The following NEDD4L variants were observed in gnomAD, a reference collection of about 807,000 sequenced individuals.
NEDD4L encodes E3 ubiquitin-protein ligase NEDD4-like.
Under a neutral mutation model 148.9 loss-of-function variants are expected in NEDD4L, and 54 were observed. That is an observed-to-expected ratio of 0.36 (90% CI 0.29 to 0.45). The LOEUF (loss-of-function observed/expected upper bound fraction) is 0.45, where lower values mean the gene tolerates loss of function less well. NEDD4L is among the 20% of genes least tolerant of loss of function. NEDD4L has a pLI of 1.00. For missense variants in NEDD4L, 856 were observed against 1,233.8 expected (o/e 0.69, Z 4.59); for synonymous variants, 433 against 440.7 (o/e 0.98, Z 0.22).
At chr18:58,151,627 G>A (rs78129360) in intron 1 of NEDD4L, among the ~76,000 whole-genome samples, 2 of 139,822 alleles carry the variant, frequency 1.4e-5, no homozygotes, top group Admixed American at 7.0e-5. Context: ...GCCTGGATAT[G>A]TGTGTGTGTG....
rs532012011 is a variant in NEDD4L, at chr18:58,239,522, C to G, written c.123-5905C>G. Among the ~76,000 whole-genome samples the G allele has an allele frequency of 3.3e-5, 5 of 152,276 alleles. No individual in the cohort carries two copies. In the South Asian group the frequency reaches 1.0e-3, roughly 32 times the overall value. ...CCCTCTCCCCTTACGACCCTGCCCC[C>G]TTAAAATATGTGGAGCTCAGCAAAG... On this transcript the variant is annotated intron_variant, in intron 2 of 30. Coordinates refer to ENST00000400345, the MANE Select transcript of NEDD4L (RefSeq NM_001144967.3).
At chr18:58,166,813 C>T (rs560591128) in intron 2 of NEDD4L, among the ~76,000 whole-genome samples, 3 of 152,304 alleles carry the variant, frequency 2.0e-5, no homozygotes, top group South Asian at 4.1e-4. Flanking sequence ...GTCCCCTGTG[C>T]TGTGGCCCTT....
intron 2 of NEDD4L, among the ~76,000 whole-genome samples, chr18:58,169,015 T>A (rs1599312839): frequency 6.6e-6 from 1 of 151,926 alleles, no homozygotes; most frequent in South Asian, 2.1e-4. Flanking sequence ...CCTTCCGAGG[T>A]GGTGATGGAA....
intron 2 of NEDD4L, among the ~76,000 whole-genome samples, chr18:58,205,498 ATG>A (rs59338606): frequency 0.014 from 2,060 of 147,720 alleles, 45 homozygotes; most frequent in African/African-American, 0.046. Flanking sequence ...GTGTGTGTGT[ATG>A]TGTGTGTGTG....
At chr18:58,257,038 C>T (rs1263764558) in intron 5 of NEDD4L, among the ~76,000 whole-genome samples, 3 of 152,214 alleles carry the variant, frequency 2.0e-5, no homozygotes, top group South Asian at 2.1e-4. Context: ...ATACCTTCCC[C>T]CTGCTTTTAT....
intron 2 of NEDD4L, among the ~76,000 whole-genome samples, chr18:58,242,524 C>T (rs1418050347): frequency 2.6e-5 from 4 of 151,734 alleles, no homozygotes; most frequent in Non-Finnish European, 2.9e-5. Context: ...TCACTCTGTC[C>T]GGGTCTCACT....
chr18:58,085,814 C>G (rs981020784), intron 1 of NEDD4L, among the ~76,000 whole-genome samples: 1 of 152,158 alleles, frequency 6.6e-6, no homozygotes, highest in African/African-American at 2.4e-5. Context: ...TTATTTTACA[C>G]TAATTAACAG....
chr18:58,241,306 G>T (rs1256342532), intron 2 of NEDD4L, among the ~76,000 whole-genome samples: 1 of 152,196 alleles, frequency 6.6e-6, no homozygotes, highest in Non-Finnish European at 1.5e-5. Flanking sequence ...AGCTCTGCAG[G>T]AATGGCCGAC....
intron 1 of NEDD4L, among the ~76,000 whole-genome samples, chr18:58,086,166 C>A (rs1164129129): frequency 1.3e-5 from 2 of 152,192 alleles, no homozygotes; most frequent in African/African-American, 4.8e-5. Context: ...CATCTGTCAT[C>A]CAGATCTTTT....
chr18:58,244,111 C>G (rs1408630573), intron 2 of NEDD4L, among the ~76,000 whole-genome samples: 1 of 152,142 alleles, frequency 6.6e-6, no homozygotes, highest in East Asian at 1.9e-4. Flanking sequence ...GAAATCAGTA[C>G]AGTCTCAGCA....
chr18:58,184,727 G>A (rs775749542), intron 2 of NEDD4L, among the ~76,000 whole-genome samples: 18 of 152,072 alleles, frequency 1.2e-4, no homozygotes, highest in Non-Finnish European at 2.6e-4. Flanking sequence ...AGGAGATCGA[G>A]ACCATCCTGG....
intron 1 of NEDD4L, among the ~76,000 whole-genome samples, chr18:58,110,305 A>G (rs1311936239): frequency 6.6e-6 from 1 of 152,340 alleles, no homozygotes; most frequent in South Asian, 2.1e-4. Flanking sequence ...GCTCCTCTTT[A>G]AAGACTTGGC....
chr18:58,200,113 G>T (rs1364483623), intron 2 of NEDD4L, among the ~76,000 whole-genome samples: 1 of 152,174 alleles, frequency 6.6e-6, no homozygotes, highest in African/African-American at 2.4e-5. Context: ...TGCTGCAAAG[G>T]TATGTTCTTT....
Position 58,205,001 on chromosome 18 carries a change from C to A in NEDD4L, c.122+39140C>A, listed in dbSNP as rs186590560. Among the ~76,000 whole-genome samples, 345 of 152,272 alleles carry A rather than the reference C, an allele frequency of 2.3e-3. 4 individuals carry two copies. The highest frequency in any genetic ancestry group is 5.6e-4 in the Non-Finnish European group (38 of 68,016). ...AGAATGTGGATCAGATCCAGACATC[C>A]AGTAGTCTGTGAGCATCTCCATATG... On this transcript the variant is annotated intron_variant, in intron 2 of 30. Transcript: ENST00000400345.
chr18:58,249,610 A>G (rs1368103374), intron 4 of NEDD4L, among the ~76,000 whole-genome samples: 1 of 152,206 alleles, frequency 6.6e-6, no homozygotes, highest in Non-Finnish European at 1.5e-5. Context: ...GAAAGAAAGG[A>G]CTTTCTCTTC....
chr18:58,044,532 T>C lies in NEDD4L; in HGVS notation c.-129T>C. On this transcript the variant is annotated 5_prime_UTR_variant, in exon 1 of 31. Transcript: ENST00000400345. ...CCTCACCTGCCGGCGCCCGGCCGCT[T>C]ACCCGGCAGGGCGTGCGCAGGGTAG... The C allele has an allele frequency of 5.7e-6, 7 of 1,237,206 alleles. No homozygotes were observed. The highest frequency in any genetic ancestry group is 6.1e-6 in the Non-Finnish European group (6 of 977,570). 76.6% of individuals were successfully genotyped at this position (1,237,206 alleles called of 1,614,324 possible). A position where few individuals can be genotyped will look rare whatever the true frequency, so the allele number is the denominator to read the frequency against.
chr18:58,117,786 A>G (rs2085950691), intron 1 of NEDD4L, among the ~76,000 whole-genome samples: 1 of 152,134 alleles, frequency 6.6e-6, no homozygotes, highest in African/African-American at 2.4e-5. Flanking sequence ...GGACTCCTTC[A>G]GCAGCAGCTG....
At chr18:58,348,614 T>G (rs1307302527) in intron 16 of NEDD4L, among the ~76,000 whole-genome samples, 1 of 152,148 alleles carries the variant, frequency 6.6e-6, no homozygotes, top group African/African-American at 2.4e-5. Flanking sequence ...GTGCCCGGCC[T>G]ACACTGCATT....
At chr18:58,329,456 G>T (rs771436016) in intron 10 of NEDD4L, among the ~76,000 whole-genome samples, 3 of 151,778 alleles carry the variant, frequency 2.0e-5, no homozygotes, top group African/African-American at 7.3e-5. Flanking sequence ...TCCTGGGTTC[G>T]AGCAATTCTC....
Sources: allele counts gnomAD v4.1 joint callset (sites outside exome capture counted in the v4.1 genomes callset), GRCh38; gene constraint gnomAD v4.1.1; transcripts MANE v1.5; gene names NCBI Gene and HGNC (gene_info 2026-07-23, HGNC 2026-07-21).